Variants in PIK3CB observed in about 807,000 individuals in gnomAD.
The protein encoded by PIK3CB is phosphatidylinositol-4,5-bisphosphate 3-kinase catalytic subunit beta, also known as phosphatidylinositol 4,5-bisphosphate 3-kinase catalytic subunit beta isoform.
A neutral mutation model predicts 136.8 loss-of-function variants in PIK3CB; 39 were observed. The observed-to-expected ratio is 0.29, with a 90% CI of 0.22 to 0.37. PIK3CB has a LOEUF of 0.37. PIK3CB is among the 10% of genes least tolerant of loss of function. The pLI is 1.00. For missense variants in PIK3CB, 868 were observed against 1,275.4 expected, an observed-to-expected ratio of 0.68 and a Z score of 4.87; for synonymous variants, 428 against 436.6, an observed-to-expected ratio of 0.98 and a Z score of 0.25.
intron 2 of PIK3CB, among the ~76,000 whole-genome samples, chr3:138,783,731 G>A (rs1320951387): frequency 6.6e-6 from 1 of 151,996 alleles, no homozygotes; most frequent in African/African-American, 2.4e-5. Context: ...TGGGGAGGCT[G>A]GTAGGTCAAA....
intron 8 of PIK3CB, among the ~76,000 whole-genome samples, chr3:138,724,017 T>G (rs1381471893): frequency 1.3e-5 from 2 of 152,176 alleles, no homozygotes; most frequent in Non-Finnish European, 2.9e-5. Flanking sequence ...CACCAACCAA[T>G]TCTCCAACTC....
At chr3:138,663,401 G>A (rs1360830380) in intron 21 of PIK3CB, among the ~76,000 whole-genome samples, 2 of 151,892 alleles carry the variant, frequency 1.3e-5, no homozygotes, top group African/African-American at 4.8e-5. Flanking sequence ...TTTTTTTTGA[G>A]ATGGAGTTTC....
chr3:138,655,287 T>C lies in PIK3CB; in HGVS notation c.*102A>G, dbSNP rs2043171925. The C allele has an allele frequency of 8.6e-7, 1 of 1,158,812 alleles. No homozygotes were observed. Among genetic ancestry groups the C allele is most frequent in the Non-Finnish European group, 1.2e-6 (1 of 801,886 alleles). 71.8% of individuals were successfully genotyped at this position (1,158,812 alleles called of 1,614,324 possible). On this transcript the variant is annotated 3_prime_UTR_variant, in exon 24 of 24. Coordinates refer to ENST00000674063, the MANE Select transcript of PIK3CB (RefSeq NM_006219.3). The stretch of plus-strand genomic sequence containing the variant: ...TTTAACTCTGAGTTCCAGGATTTCA[T>C]TCCCTTTATAACATCTCTAACAGGG...
rs553523450 is a variant in PIK3CB at position 138,718,169 on chromosome 3, T to C, written c.1051-3450A>G. 2.0e-5 allele frequency among the ~76,000 whole-genome samples: 3 copies of C among 152,302 alleles called. No homozygotes were observed. The South Asian group carries it at 6.2e-4, about 32-fold the overall frequency. On this transcript the variant is annotated intron_variant, in intron 8 of 23. Transcript: ENST00000674063. ...TCCCACCAGCAGTGTGTATGTGTTC[T>C]CCACAACCTCACCAGCATCTCTTAT... is the stretch of plus-strand genomic sequence containing the variant.
intron 19 of PIK3CB, among the ~76,000 whole-genome samples, chr3:138,675,578 C>T (rs1362708519): frequency 6.6e-6 from 1 of 152,078 alleles, no homozygotes; most frequent in African/African-American, 2.4e-5. Context: ...TGACTCATCA[C>T]TTACAAGGAT....
chr3:138,673,729 G>A (rs147895633), intron 19 of PIK3CB, among the ~76,000 whole-genome samples: 1 of 151,886 alleles, frequency 6.6e-6, no homozygotes, highest in African/African-American at 2.4e-5. Flanking sequence ...ACACCCCAAC[G>A]TGAATCTGTT....
chr3:138,794,264 C>T (rs60432846), intron 2 of PIK3CB, among the ~76,000 whole-genome samples: 1 of 152,034 alleles, frequency 6.6e-6, no homozygotes, highest in South Asian at 2.1e-4. Flanking sequence ...CACCCAGCAT[C>T]TTGTGAGTTT....
intron 5 of PIK3CB, 52 bp from the exon 6 acceptor site, chr3:138,737,938 G>GA (rs1229393994): frequency 5.6e-6 from 6 of 1,076,740 alleles, no homozygotes; most frequent in Non-Finnish European, 8.0e-6. Context: ...TATTTATGCT[G>GA]AAAAATCACA....
chr3:138,810,429 C>T (rs1932972074), intron 1 of PIK3CB, among the ~76,000 whole-genome samples: 2 of 152,026 alleles, frequency 1.3e-5, no homozygotes, highest in Non-Finnish European at 2.9e-5. Flanking sequence ...ACAACATCAA[C>T]AACGATAATT....
At chr3:138,819,087 G>A (rs1006976942) in intron 1 of PIK3CB, among the ~76,000 whole-genome samples, 6 of 152,254 alleles carry the variant, frequency 3.9e-5, no homozygotes, top group Non-Finnish European at 5.9e-5. Context: ...AGTGGCTCAC[G>A]CCTGTAATCC....
intron 2 of PIK3CB, among the ~76,000 whole-genome samples, chr3:138,782,511 G>A (rs2045933351): frequency 6.6e-6 from 1 of 152,156 alleles, no homozygotes; most frequent in Admixed American, 6.5e-5. Context: ...CTATACCAAG[G>A]TCACTATGGC....
In PIK3CB at chr3:138,780,452, G is replaced by A. The variant is rs955363810; in HGVS notation, c.-17+16011C>T. Among the ~76,000 whole-genome samples the A allele has an allele frequency of 9.9e-5, 15 of 151,842 alleles. No homozygotes were observed. In the East Asian group the frequency reaches 1.2e-3, roughly 12 times the overall value. ...TGCCCAGCTAATTTTTGTATTTTTA[G>A]TACAGATGGGGTTTCACCATTTTGG... On this transcript the variant is annotated intron_variant, in intron 2 of 23. Coordinates refer to ENST00000674063, the MANE Select transcript of PIK3CB (RefSeq NM_006219.3).
intron 1 of PIK3CB, among the ~76,000 whole-genome samples, chr3:138,814,722 C>T (rs1933220791): frequency 6.6e-6 from 1 of 152,026 alleles, no homozygotes; most frequent in Non-Finnish European, 1.5e-5. Context: ...TAGTCAAAAC[C>T]GCCTAGGCAT....
intron 10 of PIK3CB, 179 bp from the exon 11 acceptor site, chr3:138,707,468 G>C (rs965995284): frequency 1.7e-5 from 23 of 1,349,258 alleles, no homozygotes; most frequent in Non-Finnish European, 2.2e-5. Context: ...CAAAATTTCA[G>C]TGTGAGTTTG....
At chr3:138,751,108 C>T (rs892578915) in intron 4 of PIK3CB, among the ~76,000 whole-genome samples, 10 of 152,142 alleles carry the variant, frequency 6.6e-5, no homozygotes, top group African/African-American at 2.4e-4. Context: ...TGAGCATATT[C>T]ATTTTAAGAA....
intron 21 of PIK3CB, 127 bp downstream of exon 21, chr3:138,663,779 T>C (rs956685543): frequency 6.9e-6 from 6 of 873,268 alleles, no homozygotes; most frequent in Admixed American, 2.5e-5. Context: ...TAGTGAGAAA[T>C]TGAAGTAAAG....
intron 1 of PIK3CB, among the ~76,000 whole-genome samples, chr3:138,814,953 C>T (rs988154659): frequency 1.3e-4 from 19 of 151,518 alleles, no homozygotes; most frequent in African/African-American, 4.1e-4. Flanking sequence ...CTGGCTAACA[C>T]GGTGAAACCC....
intron 4 of PIK3CB, among the ~76,000 whole-genome samples, chr3:138,745,103 G>T (rs2045327016): frequency 6.6e-6 from 1 of 152,130 alleles, no homozygotes. Context: ...ATGAACGATG[G>T]CATCTTCAGT....
At chr3:138,831,261 TAAATA>T (rs34817349) in intron 1 of PIK3CB, among the ~76,000 whole-genome samples, 11 of 145,416 alleles carry the variant, frequency 7.6e-5, no homozygotes, top group Non-Finnish European at 1.5e-4. Context: ...CCGTCTCAAA[TAAATA>T]AAATAAAATA....
Sources: gnomAD v4.1 joint callset for allele counts (sites outside exome capture counted in the v4.1 genomes callset) on GRCh38, gnomAD v4.1.1 for gene constraint, MANE v1.5 for transcripts, NCBI Gene and HGNC (gene_info 2026-07-23, HGNC 2026-07-21) for gene names.